The following NOS2 variants were observed in gnomAD, a reference collection of about 807,000 sequenced individuals.
NOS2 encodes nitric oxide synthase, inducible.
In NOS2, 96 loss-of-function variants were observed where a neutral mutation model predicts 136.0. The ratio of observed to expected loss-of-function variants is 0.71; its 90% CI spans 0.60 to 0.84. The LOEUF (loss-of-function observed/expected upper bound fraction) is 0.84, where lower values mean the gene tolerates loss of function less well. Ranked by LOEUF, NOS2 falls within the 40% of genes least tolerant of loss-of-function variation. The pLI, the probability that NOS2 is intolerant of heterozygous loss-of-function variation, is 0.00. For synonymous variants in NOS2, 539 were observed against 587.5 expected (o/e 0.92, Z 1.20); for missense variants, 1,237 against 1,496.9 (o/e 0.83, Z 2.87).
chr17:27,775,784 C>CA (rs897998381), intron 11 of NOS2, among the ~76,000 whole-genome samples: 5 of 150,096 alleles, frequency 3.3e-5, no homozygotes, highest in Non-Finnish European at 5.9e-5. Context: ...ACCTTGTCTC[C>CA]AAAAAAAAAG....
Position 27,782,813 on chromosome 17 carries a change from G to C in NOS2, c.630+131C>G, listed in dbSNP as rs1019112871. 13 of 863,218 alleles carry C rather than the reference G, an allele frequency of 1.5e-5. No individual in the cohort carries two copies. The Admixed American group carries it at 1.9e-4, about 13-fold the overall frequency. The allele number at this position is 863,218 out of a possible 1,614,324, so 53.5% of individuals were successfully genotyped here. On this transcript the variant is annotated intron_variant, in intron 6 of 26. Coordinates refer to ENST00000313735, the MANE Select transcript of NOS2 (RefSeq NM_000625.4). ...GTGCCCCATCTCAACATTTGGGAAT[G>C]TAAGAGAGGATCCAGGGCCATGGCT...
intron 2 of NOS2, chr17:27,793,610 C>G (rs1909261170): frequency 1.0e-5 from 4 of 397,498 alleles, no homozygotes; most frequent in African/African-American, 4.1e-5. Flanking sequence ...GGGCAGCAGT[C>G]AGGCTTCGGC....
rs1907949354 is a variant in NOS2 at position 27,757,114 on chromosome 17, T to C, written c.*132A>G. 8 of 668,868 alleles carry C rather than the reference T, an allele frequency of 1.2e-5. No individual in the cohort carries two copies. Among genetic ancestry groups the C allele is most frequent in the Admixed American group, 3.1e-5 (1 of 32,478 alleles). 41.4% of individuals were successfully genotyped at this position (668,868 alleles called of 1,614,324 possible). On this transcript the variant is annotated 3_prime_UTR_variant, in exon 27 of 27. Coordinates refer to ENST00000313735, the MANE Select transcript of NOS2 (RefSeq NM_000625.4). ...GTAAAGGGCTTGATGGGGAGCAACGTTGAGGAAATAAGACTTGAGGCTGGG... is the reference window on the plus strand; with the variant it reads ...GTAAAGGGCTTGATGGGGAGCAACGCTGAGGAAATAAGACTTGAGGCTGGG...
chr17:27,794,943 C>T (rs1909308734), intron 2 of NOS2, among the ~76,000 whole-genome samples: 1 of 152,188 alleles, frequency 6.6e-6, no homozygotes, highest in Non-Finnish European at 1.5e-5. Context: ...CCCTCCCTCA[C>T]CTGAGTGGAT....
intron 13 of NOS2, 35 bp from the exon 14 acceptor site, chr17:27,772,487 C>T (rs2151328580): frequency 1.2e-6 from 2 of 1,608,082 alleles, no homozygotes; most frequent in Non-Finnish European, 1.7e-6. Context: ...GCGCTGTGTG[C>T]TGAGTCAGCC....
At chr17:27,777,943 A>G (rs1474770721) in intron 11 of NOS2, among the ~76,000 whole-genome samples, 1 of 151,912 alleles carries the variant, frequency 6.6e-6, no homozygotes, top group African/African-American at 2.4e-5. Flanking sequence ...TCGGCAGGCT[A>G]AGGTGGGAGG....
At chr17:27,777,285 A>C (rs550805441) in intron 11 of NOS2, among the ~76,000 whole-genome samples, 1 of 152,334 alleles carries the variant, frequency 6.6e-6, no homozygotes, top group African/African-American at 2.4e-5. Flanking sequence ...ATGACTGACC[A>C]GTGGTGGGGT....
intron 26 of NOS2, among the ~76,000 whole-genome samples, chr17:27,758,458 C>T (rs892703079): frequency 6.6e-6 from 1 of 152,178 alleles, no homozygotes; most frequent in South Asian, 2.1e-4. Context: ...GCAAGCCCTT[C>T]CTGCTGGGGG....
chr17:27,787,850 G>A (rs778051014), intron 4 of NOS2, 24 bp from the exon 5 acceptor site: 1 of 1,598,930 alleles, frequency 6.3e-7, no homozygotes, highest in East Asian at 2.3e-5. Context: ...GGCAGGTGGT[G>A]AGGGTGGGCC....
At chr17:27,761,575 C>T (rs1366437792) in intron 22 of NOS2, among the ~76,000 whole-genome samples, 3 of 152,220 alleles carry the variant, frequency 2.0e-5, no homozygotes, top group Non-Finnish European at 4.4e-5. Flanking sequence ...CTTCCAAAGA[C>T]TTTCTCCGGG....
rs564406707 is a variant in NOS2, at chr17:27,761,020, C to T, written c.2888+124G>A. On this transcript the variant is annotated intron_variant, in intron 23 of 26. Coordinates refer to ENST00000313735, the MANE Select transcript of NOS2 (RefSeq NM_000625.4). ...CTACAGGCAGCCACACCAGTGTGAC[C>T]CCAGTGCCTTCTTTATGGGCCAAGG... 4 of 952,084 alleles carry T rather than the reference C, an allele frequency of 4.2e-6. No homozygotes were observed. The Admixed American group carries it at 1.2e-4, about 28-fold the overall frequency. The allele number at this position is 952,084 out of a possible 1,614,324, so 59.0% of individuals were successfully genotyped here.
intron 4 of NOS2, 116 bp from the exon 5 acceptor site, chr17:27,787,942 T>G: frequency 9.2e-7 from 1 of 1,086,434 alleles, no homozygotes; most frequent in Admixed American, 2.5e-5. Context: ...TCCCTGCACC[T>G]CTTCTCCACC....
At chr17:27,793,403 C>T (rs1217271512) in intron 2 of NOS2, among the ~76,000 whole-genome samples, 1 of 152,146 alleles carries the variant, frequency 6.6e-6, no homozygotes, top group African/African-American at 2.4e-5. Flanking sequence ...TTCTCTGGGC[C>T]GCCTGGGCTC....
In NOS2 at chr17:27,757,302, C is replaced by T; in HGVS notation, c.3406G>A (p.Ala1136Thr). 3 of 1,614,158 alleles carry T rather than the reference C, an allele frequency of 1.9e-6. No homozygotes were observed. Among genetic ancestry groups the T allele is most frequent in the Non-Finnish European group, 2.5e-6 (3 of 1,180,024 alleles). Residue 1136 changes from alanine (A) to threonine (T), a missense_variant, in exon 27 of 27, where the codon GCG becomes ACG. By Grantham distance (58) the Ala-to-Thr change is moderately conservative. Coordinates refer to ENST00000313735, the MANE Select transcript of NOS2 (RefSeq NM_000625.4). ...DIFGAVFPYEAKKDRVAVQPS... is the reference protein window; with the variant it reads ...DIFGAVFPYETKKDRVAVQPS... ...TGCACCGCCACCCTGTCCTTCTTCGCCTCGTAAGGAAATACAGCACCAAAG... is the reference window on the plus strand; with the variant it reads ...TGCACCGCCACCCTGTCCTTCTTCGTCTCGTAAGGAAATACAGCACCAAAG...
Position 27,781,144 on chromosome 17 carries a change from A to G in NOS2, c.756T>C (p.Asp252=), listed in dbSNP as rs1239579379. The change falls in exon 8 of 27, where the codon GAT becomes GAC. Residue 252 remains aspartate, a synonymous_variant. Coordinates refer to ENST00000313735, the MANE Select transcript of NOS2 (RefSeq NM_000625.4). ...SAITVFPQRS[D]GKHDFRVWNA... ...TCCACACCCGGAAGTCGTGCTTGCC[A>G]TCACTCCGCTGGGGGAACACGGTGA... 2 of 1,611,370 alleles carry G rather than the reference A, an allele frequency of 1.2e-6. No individual in the cohort carries two copies. The highest frequency in any genetic ancestry group is 1.7e-5 in the Admixed American group (1 of 60,026).
At chr17:27,781,551 C>T (rs1908850462) in intron 7 of NOS2, among the ~76,000 whole-genome samples, 1 of 152,162 alleles carries the variant, frequency 6.6e-6, no homozygotes, top group Admixed American at 6.5e-5. Context: ...CCCATCTTCC[C>T]CCTGCTCTCC....
chr17:27,765,975 A>G (rs1480660782), intron 19 of NOS2, among the ~76,000 whole-genome samples: 1 of 152,222 alleles, frequency 6.6e-6, no homozygotes, highest in African/African-American at 2.4e-5. Flanking sequence ...GGGCTTGGCT[A>G]CAGCCTCTGC....
chr17:27,772,540 C>G, intron 13 of NOS2, 88 bp from the exon 14 acceptor site: 4 of 1,481,950 alleles, frequency 2.7e-6, no homozygotes, highest in Non-Finnish European at 3.7e-6. Flanking sequence ...GAGGGGACAG[C>G]GTTTAATGTG....
chr17:27,781,438 G>A (rs1302042236), intron 7 of NOS2, among the ~76,000 whole-genome samples: 1 of 152,188 alleles, frequency 6.6e-6, no homozygotes, highest in East Asian at 1.9e-4. Flanking sequence ...CTCCGTCCTT[G>A]CAGTTGAGTT....
Sources: gnomAD v4.1 joint callset for allele counts (sites outside exome capture counted in the v4.1 genomes callset) on GRCh38, gnomAD v4.1.1 for gene constraint, MANE v1.5 for transcripts, NCBI Gene and HGNC (gene_info 2026-07-23, HGNC 2026-07-21) for gene names.